TP53I11: variants seen among roughly 807,000 people sequenced by gnomAD.
TP53I11 encodes the protein tumor protein p53-inducible protein 11.
A neutral mutation model predicts 23.3 loss-of-function variants in TP53I11; 9 were observed. That is an observed-to-expected ratio of 0.39 (90% CI 0.23 to 0.67). TP53I11 has a LOEUF of 0.67. TP53I11 is among the 30% of genes least tolerant of loss of function. TP53I11 has a pLI of 0.48. For missense variants in TP53I11, 170 were observed against 255.2 expected (o/e 0.67, Z 2.27); for synonymous variants, 100 against 106.1 (o/e 0.94, Z 0.35).
At chr11:44,940,251 C>T (rs1717847103) in intron 1 of TP53I11, among the ~76,000 whole-genome samples, 1 of 152,262 alleles carries the variant, frequency 6.6e-6, no homozygotes, top group African/African-American at 2.4e-5. Flanking sequence ...CCAGCCTCCC[C>T]ATGGCCTTTT....
chr11:44,946,431 T>G (rs563682803), intron 1 of TP53I11, among the ~76,000 whole-genome samples: 80 of 152,328 alleles, frequency 5.3e-4, no homozygotes, highest in African/African-American at 1.9e-3. Flanking sequence ...GCAGCATCCG[T>G]CTTCCTCATC....
intron 3 of TP53I11, 91 bp from the exon 4 acceptor site, chr11:44,937,443 G>A: frequency 1.3e-6 from 2 of 1,507,704 alleles, no homozygotes; most frequent in South Asian, 1.3e-5. Flanking sequence ...TTTGGGGAAG[G>A]TAATGAGACA....
chr11:44,936,985 C>T lies in TP53I11; in HGVS notation c.238-86G>A. ...ATGCTTCCCACAGACGTCTTCCTTC[C>T]CCGCCAGGAGCAGGATCAGCATCCT... On this transcript the variant is annotated intron_variant, in intron 4 of 6. Transcript: ENST00000525680. The surrounding 1 kb of genome is among the most constrained non-coding windows in gnomAD (Gnocchi z 4.4). 1.0e-6 allele frequency: 1 copy of T among 987,730 alleles called. No homozygotes were observed. The highest frequency in any genetic ancestry group is 1.5e-6 in the Non-Finnish European group (1 of 667,402). The allele number at this position is 987,730 out of a possible 1,614,324, so 61.2% of individuals were successfully genotyped here.
chr11:44,936,687 C>T lies in TP53I11; in HGVS notation c.334+116G>A, dbSNP rs943197437. 21 of 1,371,606 alleles carry T rather than the reference C, an allele frequency of 1.5e-5. No individual in the cohort carries two copies. Among genetic ancestry groups the T allele is most frequent in the Non-Finnish European group, 1.9e-5 (20 of 1,058,390 alleles). 85.0% of individuals were successfully genotyped at this position (1,371,606 alleles called of 1,614,324 possible). A position where few individuals can be genotyped will look rare whatever the true frequency, so the allele number is the denominator to read the frequency against. ...ATCAGAGGCCGGGGTGTGGGCGCAG[C>T]ATCTGGCCGAAGAAAGGAAGGGGTG... On this transcript the variant is annotated intron_variant, in intron 5 of 6. Coordinates refer to ENST00000525680, the MANE Select transcript of TP53I11 (RefSeq NM_006034.5). This position sits in a 1 kb window ranked among gnomAD's most constrained non-coding sequence, Gnocchi z 4.4.
chr11:44,938,684 C>T (rs1181260902), intron 1 of TP53I11, among the ~76,000 whole-genome samples: 1 of 152,168 alleles, frequency 6.6e-6, no homozygotes, highest in Non-Finnish European at 1.5e-5. Flanking sequence ...ATGGCGGCCA[C>T]ATCCAAGCTT....
intron 4 of TP53I11, 116 bp from the exon 5 acceptor site, chr11:44,937,015 G>T: frequency 1.2e-6 from 1 of 817,598 alleles, no homozygotes; most frequent in African/African-American, 1.7e-5. Flanking sequence ...CATCCTTGGG[G>T]GCAGTCCAGG....
chr11:44,936,353 T>TTCCAAA lies in TP53I11; in HGVS notation c.334+444_334+449dup, dbSNP rs1324803273. 8.2e-7 allele frequency: 1 copy of TTCCAAA among 1,224,918 alleles called. No individual in the cohort carries two copies. Among genetic ancestry groups the TTCCAAA allele is most frequent in the Non-Finnish European group, 1.0e-6 (1 of 984,386 alleles). The allele number at this position is 1,224,918 out of a possible 1,614,324, so 75.9% of individuals were successfully genotyped here. ...CTATGCTGAGCTTTAAAAATTGTAA[T>TTCCAAA]TCCAAATCCTAACGTGTGCATCTCA... is the stretch of plus-strand genomic sequence containing the variant. On this transcript the variant is annotated intron_variant, in intron 5 of 6. Coordinates refer to ENST00000525680, the MANE Select transcript of TP53I11 (RefSeq NM_006034.5). The surrounding 1 kb of genome is among the most constrained non-coding windows in gnomAD (Gnocchi z 4.4).
intron 1 of TP53I11, among the ~76,000 whole-genome samples, chr11:44,945,360 CGAA>C (rs1283339878): frequency 1.3e-5 from 2 of 152,184 alleles, no homozygotes; most frequent in African/African-American, 2.4e-5. Context: ...CATGAGAAAA[CGAA>C]GGCTCATGTG....
At chr11:44,935,934 T>C (rs1411525062) in intron 5 of TP53I11, 7 of 541,752 alleles carry the variant, frequency 1.3e-5, no homozygotes, top group South Asian at 1.3e-4. Flanking sequence ...TGAGACTCGA[T>C]CTCTTTATAA....
rs901671594 is a variant in TP53I11 at position 44,936,926 on chromosome 11, G to A, written c.238-27C>T. 12 of 1,541,776 alleles carry A rather than the reference G, an allele frequency of 7.8e-6. No individual in the cohort carries two copies. Among genetic ancestry groups the A allele is most frequent in the Non-Finnish European group, 1.1e-5 (12 of 1,132,244 alleles). Reference sequence around the variant, plus strand: ...TGCGGGCAGCGAGAGGGGCTCAGAGGTCCCGCTTGGGAGAGGGTGGGGGGT... The same window carrying A: ...TGCGGGCAGCGAGAGGGGCTCAGAGATCCCGCTTGGGAGAGGGTGGGGGGT... On this transcript the variant is annotated intron_variant, in intron 4 of 6. Transcript: ENST00000525680. The surrounding 1 kb of genome is among the most constrained non-coding windows in gnomAD (Gnocchi z 4.4).
At chr11:44,943,699 C>T (rs1053930855) in intron 1 of TP53I11, among the ~76,000 whole-genome samples, 5 of 152,214 alleles carry the variant, frequency 3.3e-5, no homozygotes, top group African/African-American at 7.2e-5. Context: ...TGGACTCTCA[C>T]GGGTCTCAGT....
intron 1 of TP53I11, among the ~76,000 whole-genome samples, chr11:44,939,709 G>A (rs750305314): frequency 6.8e-6 from 1 of 147,320 alleles, no homozygotes; most frequent in Non-Finnish European, 1.5e-5. Context: ...CAACTAGGGA[G>A]GCAGTATACC....
At chr11:44,950,062 C>T (rs1182775074) in intron 1 of TP53I11, 1 of 152,264 alleles carries the variant, frequency 6.6e-6, no homozygotes, top group Non-Finnish European at 1.5e-5. Context: ...GGCCCAGGGC[C>T]CCTGCCCCCA....
intron 1 of TP53I11, among the ~76,000 whole-genome samples, chr11:44,949,315 G>T (rs1189010087): frequency 1.3e-5 from 2 of 152,192 alleles, no homozygotes; most frequent in Non-Finnish European, 2.9e-5. Context: ...CAGGCCGTCA[G>T]GGGTGGAGGT....
chr11:44,946,322 A>C (rs1231243746), intron 1 of TP53I11, among the ~76,000 whole-genome samples: 2 of 152,190 alleles, frequency 1.3e-5, no homozygotes, highest in Non-Finnish European at 2.9e-5. Context: ...CTGGCTTGCT[A>C]TCAGGCCATC....
chr11:44,933,001 A>AG lies in TP53I11; in HGVS notation c.*1882_*1883insC, dbSNP rs1456473466. On this transcript the variant is annotated 3_prime_UTR_variant, in exon 7 of 7. Coordinates refer to ENST00000525680, the MANE Select transcript of TP53I11 (RefSeq NM_006034.5). ...GGGATTGAGGCTTCGGCCTGAGGGC[A>AG]CTGCCCATTGGCGGCACCACCTGTG... 6.6e-6 allele frequency: 1 copy of AG among 152,378 alleles called. No homozygotes were observed. The highest frequency in any genetic ancestry group is 6.5e-5 in the Admixed American group (1 of 15,284). The allele number at this position is 152,378 out of a possible 1,614,324, so 9.4% of individuals were successfully genotyped here.
rs564967964 is a variant in TP53I11 at position 44,936,091 on chromosome 11, G to T, written c.335-429C>A. 3 of 456,862 alleles carry T rather than the reference G, an allele frequency of 6.6e-6. No homozygotes were observed. Among genetic ancestry groups the T allele is most frequent in the Admixed American group, 5.5e-5 (1 of 18,278 alleles). The allele number at this position is 456,862 out of a possible 1,614,324, so 28.3% of individuals were successfully genotyped here. A position where few individuals can be genotyped will look rare whatever the true frequency, so the allele number is the denominator to read the frequency against. On this transcript the variant is annotated intron_variant, in intron 5 of 6. Transcript: ENST00000525680. The surrounding 1 kb of genome is among the most constrained non-coding windows in gnomAD (Gnocchi z 4.4). The stretch of plus-strand genomic sequence containing the variant: ...ACTCCCAGACAGAAAACCTGAGCCC[G>T]GTAAGGACTCGCTTTAAGGAAGTCC...
Position 44,932,972 on chromosome 11 carries a change from ATGGGGGATTGAG to A in TP53I11, c.*1900_*1911del, listed in dbSNP as rs1180814199. The A allele has an allele frequency of 6.6e-6, 1 of 152,216 alleles. No individual in the cohort carries two copies. The highest frequency in any genetic ancestry group is 6.5e-5 in the Admixed American group (1 of 15,286). The allele number at this position is 152,216 out of a possible 1,614,324, so 9.4% of individuals were successfully genotyped here. A position where few individuals can be genotyped will look rare whatever the true frequency, so the allele number is the denominator to read the frequency against. ...TATTAGAGGATTAGGCCTGGCTCAG[ATGGGGGATTGAG>A]GCTTCGGCCTGAGGGCACTGCCCAT... On this transcript the variant is annotated 3_prime_UTR_variant, in exon 7 of 7. Transcript: ENST00000525680.
chr11:44,950,524 T>A (rs981328841), intron 1 of TP53I11, among the ~76,000 whole-genome samples, 153 bp downstream of exon 1: 27 of 151,472 alleles, frequency 1.8e-4, no homozygotes, highest in Admixed American at 6.6e-5. Flanking sequence ...TGCCGAGATG[T>A]CCCGGGGCGC....
Sources: allele counts gnomAD v4.1 joint callset (sites outside exome capture counted in the v4.1 genomes callset), GRCh38; gene constraint gnomAD v4.1.1; non-coding constraint Gnocchi (gnomAD v3.1); transcripts MANE v1.5; gene names NCBI Gene and HGNC (gene_info 2026-07-23, HGNC 2026-07-21).